Variants in KALRN observed in about 807,000 individuals in gnomAD.
KALRN encodes the protein kalirin RhoGEF kinase.
Under a neutral mutation model 353.7 loss-of-function variants are expected in KALRN, and 70 were observed. The observed-to-expected ratio is 0.20, with a 90% CI of 0.16 to 0.24. The LOEUF (loss-of-function observed/expected upper bound fraction) is 0.24, where lower values mean the gene tolerates loss of function less well. Ranked by LOEUF, KALRN falls within the 10% of genes least tolerant of loss-of-function variation. The pLI, the probability that KALRN is intolerant of heterozygous loss-of-function variation, is 1.00. For missense variants in KALRN, 2,791 were observed against 3,756.7 expected, an observed-to-expected ratio of 0.74 and a Z score of 6.72; for synonymous variants, 1,391 against 1,434.8, an observed-to-expected ratio of 0.97 and a Z score of 0.69.
At chr3:124,619,482 CTTTTTTTTTTTTTT>C (rs59009780) in intron 34 of KALRN, among the ~76,000 whole-genome samples, 1 of 104,660 alleles carries the variant, frequency 9.6e-6, no homozygotes, top group African/African-American at 3.6e-5. Context: ...TATTTTCCTT[CTTTTTTTTTTTTTT>C]TTTTTTTTGA....
At chr3:124,373,584 C>T (rs1264080457) in intron 10 of KALRN, among the ~76,000 whole-genome samples, 1 of 152,172 alleles carries the variant, frequency 6.6e-6, no homozygotes, top group Non-Finnish European at 1.5e-5. Flanking sequence ...CTGTTCCAGG[C>T]CTCTCTCTTA....
At chr3:124,324,946 A>G (rs757960652) in intron 6 of KALRN, among the ~76,000 whole-genome samples, 48 of 152,238 alleles carry the variant, frequency 3.2e-4, no homozygotes, top group Non-Finnish European at 1.2e-4. Flanking sequence ...CTTCATGCAG[A>G]CATTGTGTGA....
chr3:124,543,590 C>T (rs1036147396), intron 33 of KALRN, among the ~76,000 whole-genome samples: 7 of 151,984 alleles, frequency 4.6e-5, no homozygotes, highest in African/African-American at 9.7e-5. Flanking sequence ...TGTGAGCCAC[C>T]GCGCCCGGCC....
chr3:124,209,590 C>T (rs150263128), intron 1 of KALRN, among the ~76,000 whole-genome samples: 1 of 150,708 alleles, frequency 6.6e-6, no homozygotes, highest in Non-Finnish European at 1.5e-5. Flanking sequence ...CCTGAAGGAA[C>T]TGTATCCTGA....
intron 41 of KALRN, 46 bp downstream of exon 41, chr3:124,657,849 A>C: frequency 7.0e-6 from 9 of 1,292,504 alleles, no homozygotes; most frequent in South Asian, 1.2e-5. Flanking sequence ...CACTAGGCTC[A>C]TTTATATTCA....
intron 9 of KALRN, among the ~76,000 whole-genome samples, chr3:124,346,359 C>A (rs890494050): frequency 5.3e-5 from 8 of 152,142 alleles, no homozygotes; most frequent in Non-Finnish European, 1.0e-4. Context: ...CTCTCTCACC[C>A]CTCTATTGCC....
At chr3:124,460,931 G>C (rs1457036823) in intron 23 of KALRN, among the ~76,000 whole-genome samples, 2 of 152,192 alleles carry the variant, frequency 1.3e-5, no homozygotes, top group African/African-American at 4.8e-5. Flanking sequence ...GGGGGACTGA[G>C]AAGCAGTCAC....
chr3:124,051,077 G>A (rs1478162068), intron 1 of KALRN, among the ~76,000 whole-genome samples: 2 of 152,284 alleles, frequency 1.3e-5, no homozygotes, highest in African/African-American at 2.4e-5. Context: ...TGCCTTCATC[G>A]GGATTCCATG....
At chr3:124,120,917 C>T (rs1284779953) in intron 1 of KALRN, among the ~76,000 whole-genome samples, 1 of 150,090 alleles carries the variant, frequency 6.7e-6, no homozygotes, top group African/African-American at 2.4e-5. Context: ...CATGGTGAAA[C>T]CCCATCTGTA....
chr3:124,403,551 A>G lies in KALRN; in HGVS notation c.2346+4680A>G, dbSNP rs535964453. On this transcript the variant is annotated intron_variant, in intron 13 of 59. Coordinates refer to ENST00000682506, the MANE Select transcript of KALRN (RefSeq NM_001388419.1). ...GGAATGATATATCAATTCTAAATCTATGGGGTTCATGTAAAACAAATAGGG... is the reference window on the plus strand; with the variant it reads ...GGAATGATATATCAATTCTAAATCTGTGGGGTTCATGTAAAACAAATAGGG... 5.9e-5 allele frequency among the ~76,000 whole-genome samples: 9 copies of G among 152,314 alleles called. No individual in the cohort carries two copies. In the South Asian group the frequency reaches 1.0e-3, roughly 18 times the overall value.
intron 6 of KALRN, among the ~76,000 whole-genome samples, chr3:124,303,488 A>T (rs2077427478): frequency 6.6e-6 from 1 of 152,166 alleles, no homozygotes; most frequent in Admixed American, 6.5e-5. Context: ...TGATGGGAGT[A>T]TGGGCAGATG....
chr3:124,522,755 T>C (rs781013820), intron 33 of KALRN, among the ~76,000 whole-genome samples: 4 of 152,216 alleles, frequency 2.6e-5, no homozygotes, highest in Non-Finnish European at 5.9e-5. Flanking sequence ...ATTAAGCTGT[T>C]ATAGCTAGGA....
intron 11 of KALRN, among the ~76,000 whole-genome samples, chr3:124,386,081 C>T (rs1285609849): frequency 6.6e-6 from 1 of 152,198 alleles, no homozygotes; most frequent in African/African-American, 2.4e-5. Context: ...ATTGCAGCGC[C>T]TGTCAGAGAA....
intron 34 of KALRN, among the ~76,000 whole-genome samples, chr3:124,623,004 T>C (rs1158494782): frequency 2.0e-5 from 3 of 152,150 alleles, no homozygotes; most frequent in Non-Finnish European, 4.4e-5. Flanking sequence ...TCTAAATTAG[T>C]TATATCAGAT....
At chr3:124,349,807 C>A (rs1434535127) in intron 10 of KALRN, among the ~76,000 whole-genome samples, 1 of 152,198 alleles carries the variant, frequency 6.6e-6, no homozygotes, top group Non-Finnish European at 1.5e-5. Context: ...GGTCCCAATG[C>A]ACCTTATGAT....
At chr3:124,490,646 A>G (rs2063060695) in intron 29 of KALRN, 48 bp from the exon 30 acceptor site, 1 of 1,563,176 alleles carries the variant, frequency 6.4e-7, no homozygotes, top group Non-Finnish European at 8.8e-7. Flanking sequence ...TGGCCCCCTG[A>G]CTGTGGCAGT....
At chr3:124,557,232 A>C (rs943352898) in intron 33 of KALRN, among the ~76,000 whole-genome samples, 1 of 152,066 alleles carries the variant, frequency 6.6e-6, no homozygotes, top group African/African-American at 2.4e-5. Context: ...TCCACTTCCC[A>C]CTGGGTAGAT....
chr3:124,619,892 C>G (rs116434599), intron 34 of KALRN, among the ~76,000 whole-genome samples: 1,604 of 152,250 alleles, frequency 0.011, 10 homozygotes, highest in Non-Finnish European at 0.015. Flanking sequence ...CTTTTCTCTA[C>G]ATTCTCACCA....
At chr3:124,045,141 G>A (rs563881358) in intron 1 of KALRN, among the ~76,000 whole-genome samples, 9 of 152,144 alleles carry the variant, frequency 5.9e-5, no homozygotes, top group South Asian at 2.1e-4. Context: ...AAGGGGACCC[G>A]GGAGACTGGC....
Sources: allele counts gnomAD v4.1 joint callset (sites outside exome capture counted in the v4.1 genomes callset), GRCh38; gene constraint gnomAD v4.1.1; transcripts MANE v1.5; gene names NCBI Gene and HGNC (gene_info 2026-07-23, HGNC 2026-07-21).